Variants in MUC5B observed in about 807,000 individuals in gnomAD.
The protein encoded by MUC5B is mucin 5B, oligomeric mucus/gel-forming.
MUC5B carries 116 observed loss-of-function variants against 376.9 expected under a neutral mutation model. That is an observed-to-expected ratio of 0.31 (90% CI 0.26 to 0.36). MUC5B has a LOEUF of 0.36. Among genes scored for constraint, MUC5B ranks in the 10% least tolerant of loss-of-function variants. The probability of loss-of-function intolerance (pLI) is 1.00; values close to 1 mark genes in which losing one functional copy is unlikely to be tolerated. For missense variants in MUC5B, 7,165 were observed against 7,769.9 expected, an observed-to-expected ratio of 0.92 and a Z score of 2.93; for synonymous variants, 3,517 against 3,390.9, an observed-to-expected ratio of 1.04 and a Z score of -1.29.
Position 1,232,475 on chromosome 11 carries a change from G to C in MUC5B, c.1869G>C (p.Ser623=), listed in dbSNP as rs546026501. Residue 623 remains serine, a synonymous_variant, in exon 16 of 49, where the codon TCG becomes TCC. Transcript: ENST00000529681. ...ENENYARHWC[S]RLTDPNSAFS... is the part of the protein sequence containing the mutation. ...AGAACTACGCCCGGCACTGGTGCTC[G>C]CGCCTGACCGATCCCAACAGTGCCT... 1.2e-6 allele frequency: 2 copies of C among 1,609,488 alleles called. No individual in the cohort carries two copies. Among genetic ancestry groups the C allele is most frequent in the South Asian group, 2.2e-5 (2 of 90,324 alleles).
At chr11:1,231,251 C>T (rs970614492) in intron 13 of MUC5B, among the ~76,000 whole-genome samples, 172 bp from the exon 14 acceptor site, 2 of 152,188 alleles carry the variant, frequency 1.3e-5, no homozygotes, top group Non-Finnish European at 2.9e-5. Flanking sequence ...TCCACCTGAG[C>T]CCACTTGGCG....
At position 1,247,187 on chromosome 11, in the gene MUC5B, C is replaced by G. The variant is rs1180973603; in HGVS notation, c.10307C>G (p.Ser3436Cys). The G allele has an allele frequency of 3.2e-6, 5 of 1,564,604 alleles. No individual in the cohort carries two copies. In the East Asian group the frequency reaches 1.1e-4, roughly 35 times the overall value. Residue 3436 changes from serine (S) to cysteine (C), a missense_variant, in exon 31 of 49, where the codon TCC becomes TGC. By Grantham distance (112) the Ser-to-Cys change is moderately radical (BLOSUM62 -1). Around this residue, in one of 31 missense-constraint regions of MUC5B, gnomAD observed 939 missense variants for 770.6 expected, o/e 1.22. Transcript: ENST00000529681. ...GCCACCAGCAGCACAGTGACTCCCT[C>G]CTCTGCCCTAGGGACCACCCACACA... ...PAATSSTVTP[S>C]SALGTTHTPP... is the part of the protein sequence containing the mutation.
At chr11:1,255,997 C>A (rs1862824421) in intron 37 of MUC5B, among the ~76,000 whole-genome samples, 159 bp from the exon 38 acceptor site, 1 of 61,288 alleles carries the variant, frequency 1.6e-5, no homozygotes, top group Admixed American at 1.5e-4. Flanking sequence ...CCCGGGCCCC[C>A]CAGACCCCTC....
At position 1,226,749 on chromosome 11, in the gene MUC5B, G is replaced by A. The variant is rs768233543; in HGVS notation, c.334G>A (p.Glu112Lys). The change falls in exon 4 of 49, where the codon GAG becomes AAG. Residue 112 changes from glutamate to lysine, a missense_variant. Coordinates refer to ENST00000529681, the MANE Select transcript of MUC5B (RefSeq NM_002458.3). ...CTCTGAGCACTGCCGCGCCGCCTAC[G>A]AGGACTTCAACGTCCAGCTACGCCG... ...VFSEHCRAAYEDFNVQLRRGL... is the reference protein window; with the variant it reads ...VFSEHCRAAYKDFNVQLRRGL... 6 of 1,612,606 alleles carry A rather than the reference G, an allele frequency of 3.7e-6. No homozygotes were observed. The highest frequency in any genetic ancestry group is 5.1e-6 in the Non-Finnish European group (6 of 1,179,840).
chr11:1,238,026 A>T (rs1375124550), intron 25 of MUC5B, among the ~76,000 whole-genome samples: 1 of 152,080 alleles, frequency 6.6e-6, no homozygotes, highest in Admixed American at 6.5e-5. Context: ...GCCCTGAAGC[A>T]CTCTCATGTC....
intron 37 of MUC5B, 45 bp from the exon 38 acceptor site, chr11:1,256,111 C>A (rs778239764): frequency 2.8e-6 from 2 of 705,914 alleles, no homozygotes; most frequent in Non-Finnish European, 5.3e-6. Context: ...CGGCCCTGGG[C>A]CCCCCCAACC....
chr11:1,238,384 G>A (rs888236363), intron 25 of MUC5B, among the ~76,000 whole-genome samples: 1 of 152,202 alleles, frequency 6.6e-6, no homozygotes, highest in Non-Finnish European at 1.5e-5. Flanking sequence ...GGATGTGGAG[G>A]GCCCTGGCCG....
Position 1,251,036 on chromosome 11 carries a change from C to A in MUC5B, c.14156C>A (p.Thr4719Asn). ...LTSTATTPAA[T>N]SSKATSSSSP... ...AGCACGGCCACCACACCCGCAGCCACCAGCTCCAAAGCCACTTCCTCCTCC... is the reference window on the plus strand; with the variant it reads ...AGCACGGCCACCACACCCGCAGCCAACAGCTCCAAAGCCACTTCCTCCTCC... The change falls in exon 31 of 49, where the codon ACC becomes AAC. Residue 4719 changes from threonine to asparagine, a missense_variant. This residue lies in a region of MUC5B where 730 missense variants were observed against 592.7 expected (regional missense o/e 1.23). Transcript: ENST00000529681. 6.2e-7 allele frequency: 1 copy of A among 1,611,540 alleles called. No individual in the cohort carries two copies. Among genetic ancestry groups the A allele is most frequent in the Non-Finnish European group, 8.5e-7 (1 of 1,178,312 alleles).
intron 9 of MUC5B, 110 bp downstream of exon 9, chr11:1,229,405 C>A: frequency 7.7e-7 from 1 of 1,292,014 alleles, no homozygotes; most frequent in Non-Finnish European, 1.0e-6. Context: ...CAGAAGGTCC[C>A]ACCAGAGGGC....
Position 1,251,558 on chromosome 11 carries a change from C to T in MUC5B, c.14678C>T (p.Thr4893Met), listed in dbSNP as rs190158159. ...MATMPTATAS[T>M]VPSSSTVGTT... ...ACTATGCCCACAGCCACTGCCTCCA[C>T]GGTTCCCAGCTCGTCCACCGTGGGG... Residue 4893 changes from threonine to methionine, a missense_variant, in exon 31 of 49, where the codon ACG becomes ATG. Coordinates refer to ENST00000529681, the MANE Select transcript of MUC5B (RefSeq NM_002458.3). The T allele has an allele frequency of 5.3e-4, 854 of 1,612,954 alleles. 3 individuals carry two copies. The highest frequency in any genetic ancestry group is 9.8e-4 in the South Asian group (89 of 91,060).
At chr11:1,225,331 C>G (rs550993729) in intron 1 of MUC5B, among the ~76,000 whole-genome samples, 1 of 152,382 alleles carries the variant, frequency 6.6e-6, no homozygotes, top group East Asian at 1.9e-4. Flanking sequence ...ATTTTCTCCC[C>G]CATCCCTTGA....
Position 1,242,544 on chromosome 11 carries a change from C to A in MUC5B, c.5664C>A (p.Thr1888=), listed in dbSNP as rs932371996. Residue 1888 remains threonine (T), a synonymous_variant, in exon 31 of 49, where the codon ACC becomes ACA. Transcript: ENST00000529681. ...ACGACTACAGCCACTGCCCCAGTAC[C>A]CCAGCCACCAGCTCCACGGCCACGC... ...CCDDYSHCPS[T]PATSSTATPS... is the part of the protein sequence containing the mutation. 2.0e-5 allele frequency: 32 copies of A among 1,613,712 alleles called. No individual in the cohort carries two copies. The highest frequency in any genetic ancestry group is 2.7e-5 in the African/African-American group (2 of 74,840).
chr11:1,242,064 C>G lies in MUC5B; in HGVS notation c.5184C>G (p.Arg1728=). Residue 1728 remains arginine, a synonymous_variant, in exon 31 of 49, where the codon CGC becomes CGG. Transcript: ENST00000529681. The part of the protein sequence containing the change: ...APTTMATSRA[R]PTGTASTASK... ...CAACAATGGCAACCTCCAGAGCTCGCCCGACAGGCACAGCCAGCACCGCTT... is the reference window on the plus strand; with the variant it reads ...CAACAATGGCAACCTCCAGAGCTCGGCCGACAGGCACAGCCAGCACCGCTT... 6.2e-7 allele frequency: 1 copy of G among 1,602,960 alleles called. No individual in the cohort carries two copies. Among genetic ancestry groups the G allele is most frequent in the Non-Finnish European group, 8.5e-7 (1 of 1,175,328 alleles).
At chr11:1,260,420 A>G in intron 47 of MUC5B, 27 bp downstream of exon 47, 1 of 1,611,920 alleles carries the variant, frequency 6.2e-7, no homozygotes, top group Non-Finnish European at 8.5e-7. Context: ...TTCCCACACC[A>G]GCCCTCCAGC....
chr11:1,231,123 A>T, intron 13 of MUC5B, 118 bp downstream of exon 13: 1 of 1,062,520 alleles, frequency 9.4e-7, no homozygotes, highest in Non-Finnish European at 1.3e-6. Context: ...GGGCAGCTCC[A>T]GGAGCTCCCT....
chr11:1,246,014 C>A lies in MUC5B; in HGVS notation c.9134C>A (p.Pro3045Gln). 1 of 1,612,988 alleles carries A rather than the reference C, an allele frequency of 6.2e-7. No individual in the cohort carries two copies. The highest frequency in any genetic ancestry group is 8.5e-7 in the Non-Finnish European group (1 of 1,179,638). ...TCCAAAGCCACTTCCTCCTCCAGTCCAAGGACTGCAACCACCCTTCCAGTG... is the reference window on the plus strand; with the variant it reads ...TCCAAAGCCACTTCCTCCTCCAGTCAAAGGACTGCAACCACCCTTCCAGTG... The part of the protein sequence containing the change: ...TSSKATSSSS[P>Q]RTATTLPVLT... Residue 3045 changes from proline to glutamine, a missense_variant, in exon 31 of 49, where the codon CCA becomes CAA. Physicochemically the swap from Pro to Gln is moderately conservative, Grantham distance 76. Transcript: ENST00000529681.
chr11:1,242,592 C>G lies in MUC5B; in HGVS notation c.5712C>G (p.Thr1904=). The change falls in exon 31 of 49, where the codon ACC becomes ACG. Residue 1904 remains threonine, a synonymous_variant. Coordinates refer to ENST00000529681, the MANE Select transcript of MUC5B (RefSeq NM_002458.3). ...CGCCCTCCTCAACTCCGGGGACGAC[C>G]TGGATCCTCACAAAGCCGACCACAA... is the stretch of plus-strand genomic sequence containing the variant. ...TATPSSTPGT[T]WILTKPTTTA... 2 of 1,613,658 alleles carry G rather than the reference C, an allele frequency of 1.2e-6. No homozygotes were observed. The highest frequency in any genetic ancestry group is 2.2e-5 in the East Asian group (1 of 44,862).
chr11:1,226,200 C>G lies in MUC5B; in HGVS notation c.128-5C>G. The G allele has an allele frequency of 3.9e-6, 6 of 1,549,282 alleles. No individual in the cohort carries two copies. Among genetic ancestry groups the G allele is most frequent in the Non-Finnish European group, 5.2e-6 (6 of 1,148,004 alleles). ...GTTCCTGGGGTGACCAGCCTTCACCCACAGGTGCCCCGACGTCCTCGCCCA... is the reference window on the plus strand; with the variant it reads ...GTTCCTGGGGTGACCAGCCTTCACCGACAGGTGCCCCGACGTCCTCGCCCA... On this transcript the variant is annotated splice_region_variant and splice_polypyrimidine_tract_variant and intron_variant, in intron 2 of 48. Coordinates refer to ENST00000529681, the MANE Select transcript of MUC5B (RefSeq NM_002458.3).
At position 1,249,118 on chromosome 11, in the gene MUC5B, C is replaced by A. The variant is rs778559090; in HGVS notation, c.12238C>A (p.Pro4080Thr). 2 of 1,611,238 alleles carry A rather than the reference C, an allele frequency of 1.2e-6. No homozygotes were observed. The highest frequency in any genetic ancestry group is 1.7e-6 in the Non-Finnish European group (2 of 1,179,572). ...HPSSRTTESPPSPGTTTPGHT... is the reference protein window; with the variant it reads ...HPSSRTTESPTSPGTTTPGHT... ...TAGCAGCAGGACCACCGAGTCACCC[C>A]CTTCCCCAGGGACGACCACCCCGGG... The change falls in exon 31 of 49, where the codon CCT becomes ACT. Residue 4080 changes from proline to threonine, a missense_variant. By Grantham distance (38) the Pro-to-Thr change is conservative. Around this residue, in one of 31 missense-constraint regions of MUC5B, gnomAD observed 85 missense variants for 78.2 expected, o/e 1.09. Coordinates refer to ENST00000529681, the MANE Select transcript of MUC5B (RefSeq NM_002458.3).
Sources: gnomAD v4.1 joint callset for allele counts (sites outside exome capture counted in the v4.1 genomes callset) on GRCh38, gnomAD v4.1.1 for gene constraint, gnomAD v4.1.1 regional missense constraint, MANE v1.5 for transcripts, NCBI Gene and HGNC (gene_info 2026-07-23, HGNC 2026-07-21) for gene names.